XKR6: variants seen among roughly 807,000 people sequenced by gnomAD.
XKR6 encodes the protein XK related 6.
XKR6 carries 22 observed loss-of-function variants against 56.7 expected under a neutral mutation model. That is an observed-to-expected ratio of 0.39 (90% CI 0.28 to 0.55). XKR6 has a LOEUF of 0.55. XKR6 is among the 20% of genes least tolerant of loss of function. XKR6 has a pLI of 0.66. For synonymous variants in XKR6, 524 were observed against 387.8 expected (o/e 1.35, Z -4.13); for missense variants, 852 against 889.0 (o/e 0.96, Z 0.53).
intron 1 of XKR6, among the ~76,000 whole-genome samples, chr8:11,195,641 C>G (rs1289973894): frequency 2.0e-5 from 3 of 151,782 alleles, no homozygotes; most frequent in Non-Finnish European, 4.4e-5. Flanking sequence ...CAGAAAAATC[C>G]CACTGAGTTT....
intron 1 of XKR6, among the ~76,000 whole-genome samples, chr8:11,051,929 G>C (rs562523370): frequency 6.6e-6 from 1 of 152,272 alleles, no homozygotes; most frequent in African/African-American, 2.4e-5. Flanking sequence ...TTGTTACAGA[G>C]GTGCGCGTGT....
intron 1 of XKR6, among the ~76,000 whole-genome samples, chr8:10,991,549 T>G (rs907976440): frequency 6.6e-6 from 1 of 152,138 alleles, no homozygotes; most frequent in East Asian, 1.9e-4. Flanking sequence ...TTGCCATAGG[T>G]CTTAACTTGA....
At chr8:10,943,500 C>G (rs1254154417) in intron 1 of XKR6, among the ~76,000 whole-genome samples, 1 of 152,166 alleles carries the variant, frequency 6.6e-6, no homozygotes, top group Non-Finnish European at 1.5e-5. Flanking sequence ...CTCTCTGTAT[C>G]TGCTCCTGCT....
chr8:11,020,605 G>GCTTCC (rs1369219347), intron 1 of XKR6, among the ~76,000 whole-genome samples: 1 of 152,156 alleles, frequency 6.6e-6, no homozygotes, highest in Non-Finnish European at 1.5e-5. Flanking sequence ...TCCAAGAAGG[G>GCTTCC]AACACCCCAG....
chr8:10,949,799 TG>T (rs1207710397), intron 1 of XKR6, among the ~76,000 whole-genome samples: 1 of 151,690 alleles, frequency 6.6e-6, no homozygotes, highest in Non-Finnish European at 1.5e-5. Context: ...CCAAGTTGGG[TG>T]GGGGAGGGTA....
At chr8:10,965,869 T>C (rs937653545) in intron 1 of XKR6, among the ~76,000 whole-genome samples, 1 of 152,208 alleles carries the variant, frequency 6.6e-6, no homozygotes, top group Non-Finnish European at 1.5e-5. Context: ...ATCATTCCTG[T>C]CTCACACCCA....
intron 1 of XKR6, among the ~76,000 whole-genome samples, chr8:10,979,539 T>G (rs1797679444): frequency 6.6e-6 from 1 of 152,088 alleles, no homozygotes; most frequent in Admixed American, 6.5e-5. Context: ...CCCCCGACCC[T>G]CTAGCCCCTG....
intron 1 of XKR6, among the ~76,000 whole-genome samples, chr8:11,060,330 C>G (rs907496539): frequency 6.6e-6 from 1 of 152,204 alleles, no homozygotes; most frequent in African/African-American, 2.4e-5. Flanking sequence ...CATGCCTCCA[C>G]GCCTCCACCT....
In XKR6 at chr8:11,127,174, A is replaced by G. The variant is rs541550745; in HGVS notation, c.764+73402T>C. On this transcript the variant is annotated intron_variant, in intron 1 of 2. Transcript: ENST00000416569. ...GCAATCCCACTTCTTAACGAGATGT[A>G]CTAGAATTCCACCAGACTGTGGTCA... Among the ~76,000 whole-genome samples, 8 of 152,326 alleles carry G rather than the reference A, an allele frequency of 5.3e-5. No homozygotes were observed. The South Asian group carries it at 1.2e-3, about 24-fold the overall frequency.
At chr8:10,989,545 G>A (rs1797940544) in intron 1 of XKR6, among the ~76,000 whole-genome samples, 1 of 152,228 alleles carries the variant, frequency 6.6e-6, no homozygotes, top group Admixed American at 6.5e-5. Context: ...CCATATAGCA[G>A]AGTGGTTGGA....
chr8:11,102,803 G>A (rs527965701), intron 1 of XKR6, among the ~76,000 whole-genome samples: 21 of 152,304 alleles, frequency 1.4e-4, no homozygotes, highest in Admixed American at 5.9e-4. Flanking sequence ...AACACTGCCT[G>A]TCCCTAGCTC....
intron 1 of XKR6, among the ~76,000 whole-genome samples, chr8:10,960,255 G>A (rs548251436): frequency 6.6e-6 from 1 of 151,386 alleles, no homozygotes; most frequent in Non-Finnish European, 1.5e-5. Flanking sequence ...GTAGGTGCAG[G>A]TATAGCAGGT....
At chr8:11,052,406 C>T (rs187934742) in intron 1 of XKR6, among the ~76,000 whole-genome samples, 15 of 152,340 alleles carry the variant, frequency 9.8e-5, no homozygotes, top group Admixed American at 7.2e-4. Flanking sequence ...GCCTTCCCCA[C>T]GAAAATGCAA....
chr8:11,160,182 G>A (rs1005201510), intron 1 of XKR6, among the ~76,000 whole-genome samples: 2 of 151,776 alleles, frequency 1.3e-5, no homozygotes, highest in Non-Finnish European at 2.9e-5. Flanking sequence ...CACATATGAA[G>A]AAAATGTACG....
intron 1 of XKR6, among the ~76,000 whole-genome samples, chr8:11,136,154 T>C (rs1192984819): frequency 6.6e-6 from 1 of 152,220 alleles, no homozygotes; most frequent in Admixed American, 6.5e-5. Flanking sequence ...AAAAGCTTTA[T>C]GGGACTTTAC....
At position 11,199,675 on chromosome 8, in the gene XKR6, C is replaced by T. The variant is rs566166266; in HGVS notation, c.764+901G>A. Among the ~76,000 whole-genome samples, 26 of 152,324 alleles carry T rather than the reference C, an allele frequency of 1.7e-4. 1 individual carries two copies. The highest frequency in any genetic ancestry group is 6.3e-4 in the African/African-American group (26 of 41,574). ...CATTTCCTCAGTTTAGCCAGTGAGG[C>T]AGTCAGTGAAGGCCACGGCAGAAAG... On this transcript the variant is annotated intron_variant, in intron 1 of 2. Coordinates refer to ENST00000416569, the MANE Select transcript of XKR6 (RefSeq NM_173683.4).
At chr8:11,135,447 G>C (rs61524162) in intron 1 of XKR6, among the ~76,000 whole-genome samples, 3,762 of 152,258 alleles carry the variant, frequency 0.025, 143 homozygotes, top group African/African-American at 0.085. Context: ...TTTACTTACA[G>C]TTTAATATTG....
At chr8:10,913,564 C>G (rs1283266749) in intron 2 of XKR6, among the ~76,000 whole-genome samples, 3 of 152,206 alleles carry the variant, frequency 2.0e-5, no homozygotes, top group African/African-American at 7.2e-5. Flanking sequence ...GATGTCATCA[C>G]TTCTGCCTCC....
chr8:10,965,963 T>C (rs1378056980), intron 1 of XKR6, among the ~76,000 whole-genome samples: 8 of 152,176 alleles, frequency 5.3e-5, no homozygotes, highest in Non-Finnish European at 1.2e-4. Context: ...GGGCATCAAA[T>C]TCACCTTCCA....
Sources: allele counts gnomAD v4.1 joint callset (sites outside exome capture counted in the v4.1 genomes callset), GRCh38; gene constraint gnomAD v4.1.1; transcripts MANE v1.5; gene names NCBI Gene and HGNC (gene_info 2026-07-23, HGNC 2026-07-21).